TENM4: variants seen among roughly 807,000 people sequenced by gnomAD.
TENM4 encodes the protein teneurin transmembrane protein 4.
In TENM4, 82 loss-of-function variants were observed where a neutral mutation model predicts 243.3. The ratio of observed to expected loss-of-function variants is 0.34; its 90% confidence interval spans 0.28 to 0.40. TENM4 has a LOEUF of 0.40. Ranked by LOEUF, TENM4 falls within the 10% of genes least tolerant of loss-of-function variation. The pLI, the probability that TENM4 is intolerant of heterozygous loss-of-function variation, is 1.00. For synonymous variants in TENM4, 1,412 were observed against 1,456.3 expected (o/e 0.97, Z 0.69); for missense variants, 3,138 against 3,673.3 (o/e 0.85, Z 3.77).
intron 6 of TENM4, among the ~76,000 whole-genome samples, chr11:79,005,894 G>A (rs1408978471): frequency 6.6e-6 from 1 of 152,124 alleles, no homozygotes; most frequent in Non-Finnish European, 1.5e-5. Context: ...AACTTCAGCC[G>A]AGTTTCAGGA....
chr11:78,797,558 G>C (rs1302833573), intron 15 of TENM4, among the ~76,000 whole-genome samples: 5 of 152,324 alleles, frequency 3.3e-5, no homozygotes, highest in Non-Finnish European at 7.3e-5. Flanking sequence ...AAATCTGCCA[G>C]CTCTTGGTTT....
intron 3 of TENM4, among the ~76,000 whole-genome samples, chr11:79,202,180 C>G (rs1033885198): frequency 2.6e-4 from 40 of 152,168 alleles, no homozygotes; most frequent in Non-Finnish European, 3.8e-4. Flanking sequence ...CTGCCAGGAA[C>G]AGGACCTCGT....
At chr11:78,695,455 CTGGATTTAAG>C (rs1401862814) in intron 28 of TENM4, among the ~76,000 whole-genome samples, 1 of 152,198 alleles carries the variant, frequency 6.6e-6, no homozygotes, top group Non-Finnish European at 1.5e-5. Flanking sequence ...CCTCCGCCTC[CTGGATTTAAG>C]TGATTCTCCT....
chr11:78,904,961 G>A (rs1246163437), intron 6 of TENM4, among the ~76,000 whole-genome samples: 1 of 152,178 alleles, frequency 6.6e-6, no homozygotes, highest in African/African-American at 2.4e-5. Flanking sequence ...AAGAGGCCAA[G>A]AAATTAGATT....
intron 1 of TENM4, among the ~76,000 whole-genome samples, chr11:79,341,143 C>T (rs1565306792): frequency 6.6e-6 from 1 of 152,204 alleles, no homozygotes; most frequent in Non-Finnish European, 1.5e-5. Flanking sequence ...CCAGAAGGAA[C>T]CAGCCCTGCC....
intron 4 of TENM4, among the ~76,000 whole-genome samples, chr11:79,089,346 C>T (rs369883228): frequency 2.6e-5 from 4 of 152,238 alleles, no homozygotes; most frequent in East Asian, 3.8e-4. Flanking sequence ...CTTCCTTCTC[C>T]TCCCATTCCA....
chr11:79,168,399 C>G (rs1862964753), intron 3 of TENM4, among the ~76,000 whole-genome samples: 1 of 152,080 alleles, frequency 6.6e-6, no homozygotes, highest in African/African-American at 2.4e-5. Context: ...GGATGCCAAA[C>G]CAGTCTGGAG....
chr11:79,290,292 T>C (rs1322810769), intron 2 of TENM4, among the ~76,000 whole-genome samples: 3 of 152,254 alleles, frequency 2.0e-5, no homozygotes, highest in African/African-American at 2.4e-5. Context: ...ATAACTCTCA[T>C]TGGCATAATG....
At chr11:78,926,480 G>A (rs1347620903) in intron 6 of TENM4, among the ~76,000 whole-genome samples, 2 of 151,902 alleles carry the variant, frequency 1.3e-5, no homozygotes, top group Non-Finnish European at 2.9e-5. Context: ...CACCATATTG[G>A]TCAGGCTGGT....
chr11:78,837,233 A>G (rs1203203952), intron 12 of TENM4, among the ~76,000 whole-genome samples: 3 of 152,164 alleles, frequency 2.0e-5, no homozygotes, highest in African/African-American at 7.2e-5. Context: ...TTCTCATGGT[A>G]GTGAATAAGT....
intron 4 of TENM4, among the ~76,000 whole-genome samples, chr11:79,146,785 G>C (rs987451401): frequency 2.6e-5 from 4 of 152,026 alleles, no homozygotes; most frequent in African/African-American, 9.7e-5. Context: ...TTCAGCTCCA[G>C]GAAGGCGAAA....
intron 1 of TENM4, among the ~76,000 whole-genome samples, chr11:79,366,657 C>G (rs1220968826): frequency 1.3e-5 from 2 of 152,202 alleles, no homozygotes; most frequent in East Asian, 3.8e-4. Flanking sequence ...TGGTGCTGCT[C>G]CACTGTACAG....
intron 2 of TENM4, among the ~76,000 whole-genome samples, chr11:79,225,771 C>T (rs910995266): frequency 5.9e-5 from 9 of 152,114 alleles, no homozygotes; most frequent in African/African-American, 2.2e-4. Context: ...GCGTGAGCCA[C>T]CGTGCTCAGT....
intron 14 of TENM4, among the ~76,000 whole-genome samples, chr11:78,810,063 GA>G (rs1232205851): frequency 6.6e-6 from 1 of 151,740 alleles, no homozygotes; most frequent in African/African-American, 2.4e-5. Flanking sequence ...GGAAGGGGGA[GA>G]AAAAAAAGTG....
At chr11:78,667,038 G>A (rs985552767) in intron 32 of TENM4, among the ~76,000 whole-genome samples, 2 of 152,150 alleles carry the variant, frequency 1.3e-5, no homozygotes, top group African/African-American at 4.8e-5. Flanking sequence ...AAACTCATTG[G>A]AGAGTGAGGC....
At chr11:79,436,459 C>T (rs1859272854) in intron 1 of TENM4, among the ~76,000 whole-genome samples, 1 of 152,172 alleles carries the variant, frequency 6.6e-6, no homozygotes, top group Admixed American at 6.5e-5. Context: ...GCCATGATTC[C>T]AACCCAATAG....
At chr11:79,197,967 A>G (rs1159723674) in intron 3 of TENM4, among the ~76,000 whole-genome samples, 1 of 152,190 alleles carries the variant, frequency 6.6e-6, no homozygotes, top group East Asian at 1.9e-4. Flanking sequence ...TAGAGGCCCA[A>G]GTTCATACCT....
At chr11:79,038,141 C>T (rs1859434243) in intron 6 of TENM4, among the ~76,000 whole-genome samples, 1 of 152,216 alleles carries the variant, frequency 6.6e-6, no homozygotes, top group African/African-American at 2.4e-5. Flanking sequence ...TTCCCAATAT[C>T]CAGCATAGGG....
chr11:79,323,457 C>G (rs1565299341), intron 1 of TENM4, among the ~76,000 whole-genome samples: 1 of 152,338 alleles, frequency 6.6e-6, no homozygotes, highest in African/African-American at 2.4e-5. Flanking sequence ...CAGCAGCAAA[C>G]TGGGCCTTTC....
Sources: gnomAD v4.1 joint callset for allele counts (sites outside exome capture counted in the v4.1 genomes callset) on GRCh38, gnomAD v4.1.1 for gene constraint, MANE v1.5 for transcripts, NCBI Gene and HGNC (gene_info 2026-07-23, HGNC 2026-07-21) for gene names.